The following QTMAN variants were observed in gnomAD, a reference collection of about 807,000 sequenced individuals.
QTMAN encodes queuosine-tRNA mannosyltransferase.
At chr2:144,252,300 A>C in the QTMAN span, among the ~76,000 whole-genome samples, 2 of 152,170 alleles carry the variant, frequency 1.3e-5, no homozygotes, top group Admixed American at 1.3e-4. Context: ...ACTGGAGCCC[A>C]GGAATTTGAG....
At chr2:143,974,822 T>C in the QTMAN span, among the ~76,000 whole-genome samples, 1 of 152,228 alleles carries the variant, frequency 6.6e-6, no homozygotes, top group Non-Finnish European at 1.5e-5. Flanking sequence ...TTACTAGATT[T>C]TTTTGCTTAG....
the QTMAN span, among the ~76,000 whole-genome samples, chr2:144,136,389 AAAAGGAAAAGGAAAGGAAAGG>A: frequency 1.2e-5 from 1 of 80,736 alleles, no homozygotes; most frequent in Non-Finnish European, 2.4e-5. Context: ...AAGGAAAAGG[AAAAGGAAAAGGAAAGGAAAGG>A]AAAGGAAAGG....
chr2:144,152,490 T>C, the QTMAN span, among the ~76,000 whole-genome samples: 1 of 152,348 alleles, frequency 6.6e-6, no homozygotes. Context: ...AGACACTTTG[T>C]AATTATGTTT....
the QTMAN span, among the ~76,000 whole-genome samples, chr2:143,973,662 G>A: frequency 6.6e-6 from 1 of 151,930 alleles, no homozygotes; most frequent in Non-Finnish European, 1.5e-5. Context: ...GGTGGCGCAC[G>A]CTTGTAGTCC....
chr2:143,985,115 A>G, the QTMAN span, among the ~76,000 whole-genome samples: 1 of 152,206 alleles, frequency 6.6e-6, no homozygotes, highest in Non-Finnish European at 1.5e-5. Context: ...CAGCAGAGCT[A>G]AAAGAGCATT....
the QTMAN span, among the ~76,000 whole-genome samples, chr2:144,008,681 C>A: frequency 6.6e-6 from 1 of 151,672 alleles, no homozygotes; most frequent in African/African-American, 2.4e-5. Flanking sequence ...GGAAGGAGAG[C>A]AGAAGGGAAC....
the QTMAN span, among the ~76,000 whole-genome samples, chr2:144,184,875 A>G: frequency 6.6e-6 from 1 of 152,146 alleles, no homozygotes; most frequent in Non-Finnish European, 1.5e-5. Context: ...GAGTTTAAAT[A>G]AAGGAGGGAA....
At chr2:144,065,497 A>G in the QTMAN span, among the ~76,000 whole-genome samples, 5 of 152,166 alleles carry the variant, frequency 3.3e-5, no homozygotes, top group African/African-American at 1.2e-4. Flanking sequence ...CTTCTTGCAA[A>G]TAAGTTGGCT....
At chr2:144,045,209 A>G in the QTMAN span, among the ~76,000 whole-genome samples, 1 of 152,212 alleles carries the variant, frequency 6.6e-6, no homozygotes, top group Non-Finnish European at 1.5e-5. Context: ...TTCACACTTA[A>G]AGTACAGTCT....
chr2:143,959,928 T>C, the QTMAN span, among the ~76,000 whole-genome samples: 1 of 152,246 alleles, frequency 6.6e-6, no homozygotes, highest in South Asian at 2.1e-4. Context: ...TTTACAATTG[T>C]GGCTAATGGT....
At chr2:144,156,115 T>C in the QTMAN span, among the ~76,000 whole-genome samples, 12 of 152,308 alleles carry the variant, frequency 7.9e-5, no homozygotes, top group East Asian at 2.1e-3. Context: ...TTTGCTTTAC[T>C]CTATTGAGTT....
the QTMAN span, among the ~76,000 whole-genome samples, chr2:144,245,143 G>C: frequency 6.6e-6 from 1 of 152,208 alleles, no homozygotes; most frequent in African/African-American, 2.4e-5. Flanking sequence ...CATCATGAAA[G>C]TTTCCAAAAG....
At chr2:144,027,496 T>C in the QTMAN span, among the ~76,000 whole-genome samples, 1 of 152,318 alleles carries the variant, frequency 6.6e-6, no homozygotes, top group East Asian at 1.9e-4. Flanking sequence ...CTGGCTCTGG[T>C]GCTCATTTAG....
chr2:143,967,287 A>G, the QTMAN span, among the ~76,000 whole-genome samples: 2 of 152,174 alleles, frequency 1.3e-5, no homozygotes, highest in African/African-American at 4.8e-5. Flanking sequence ...ACAAATGTTA[A>G]CAGCGTTAAG....
chr2:144,055,071 GGAA>G, the QTMAN span, among the ~76,000 whole-genome samples: 92 of 152,140 alleles, frequency 6.0e-4, no homozygotes, highest in South Asian at 6.7e-3. Context: ...TTTTTGAAAA[GGAA>G]GAAGAAGATA....
At chr2:144,091,326 A>C in the QTMAN span, among the ~76,000 whole-genome samples, 1 of 152,166 alleles carries the variant, frequency 6.6e-6, no homozygotes, top group Non-Finnish European at 1.5e-5. Context: ...ATCTAGGAAA[A>C]ACCTGGGAGA....
At chr2:144,239,853 T>C in the QTMAN span, among the ~76,000 whole-genome samples, 1 of 152,192 alleles carries the variant, frequency 6.6e-6, no homozygotes, top group Non-Finnish European at 1.5e-5. Context: ...CACACCAAAC[T>C]AGTTATCTCC....
the QTMAN span, among the ~76,000 whole-genome samples, chr2:144,252,896 A>G: frequency 2.6e-5 from 4 of 152,232 alleles, no homozygotes. Flanking sequence ...ATATCCATAC[A>G]ATGGAATATT....
the QTMAN span, among the ~76,000 whole-genome samples, chr2:144,276,359 T>C: frequency 2.0e-5 from 3 of 151,580 alleles, no homozygotes; most frequent in Non-Finnish European, 4.4e-5. Flanking sequence ...AAACTCAGTA[T>C]TATTTTTATT....
Sources: gnomAD v4.1 joint callset for allele counts (sites outside exome capture counted in the v4.1 genomes callset) on GRCh38, gnomAD v4.1.1 for gene constraint, MANE v1.5 for transcripts, NCBI Gene and HGNC (gene_info 2026-07-23, HGNC 2026-07-21) for gene names.